SORCS2: variants seen among roughly 807,000 people sequenced by gnomAD.
SORCS2 encodes the protein sortilin related VPS10 domain containing receptor 2, also known as VPS10 domain-containing receptor SorCS2.
In SORCS2, 100 loss-of-function variants were observed where a neutral mutation model predicts 141.6. The ratio of observed to expected loss-of-function variants is 0.71; its 90% CI spans 0.60 to 0.83. SORCS2 has a LOEUF of 0.83. Ranked by LOEUF, SORCS2 falls within the 40% of genes least tolerant of loss-of-function variation. SORCS2 has a pLI of 0.00. For missense variants in SORCS2, 1,646 were observed against 1,560.2 expected, an observed-to-expected ratio of 1.05 and a Z score of -0.93; for synonymous variants, 789 against 676.9, an observed-to-expected ratio of 1.17 and a Z score of -2.57.
intron 1 of SORCS2, among the ~76,000 whole-genome samples, chr4:7,219,549 T>TGGTGGAAGGG (rs1728570240): frequency 6.6e-6 from 1 of 152,112 alleles, no homozygotes; most frequent in Non-Finnish European, 1.5e-5. Context: ...CTTACGATCA[T>TGGTGGAAGGG]GGTGGAAGGG....
In SORCS2 at chr4:7,399,981, A is replaced by C. The variant is rs114485964; in HGVS notation, c.548+3626A>C. ...CCACCGGTCTAGGGTCTGGAGGGCA[A>C]CCCAAGACTTTGCATTTCTAACAAG... is the stretch of plus-strand genomic sequence containing the variant. On this transcript the variant is annotated intron_variant, in intron 2 of 26. Coordinates refer to ENST00000507866, the MANE Select transcript of SORCS2 (RefSeq NM_020777.3). 4.3e-3 allele frequency among the ~76,000 whole-genome samples: 654 copies of C among 152,198 alleles called. 3 individuals are homozygous for C. The highest frequency in any genetic ancestry group is 0.015 in the African/African-American group (635 of 41,526).
intron 1 of SORCS2, among the ~76,000 whole-genome samples, chr4:7,306,633 G>A (rs566495538): frequency 2.2e-4 from 34 of 152,306 alleles, no homozygotes; most frequent in Admixed American, 1.6e-3. Context: ...CCTGGGAATC[G>A]CCTTCAGTTC....
chr4:7,724,106 GTGGTGGTGA>G (rs1244243748), intron 19 of SORCS2, among the ~76,000 whole-genome samples: 1 of 149,784 alleles, frequency 6.7e-6, no homozygotes, highest in African/African-American at 2.5e-5. Context: ...ATTGATGATA[GTGGTGGTGA>G]TGGTGGTGGT....
chr4:7,245,631 C>T (rs1272034897), intron 1 of SORCS2, among the ~76,000 whole-genome samples: 4 of 152,178 alleles, frequency 2.6e-5, no homozygotes, highest in Admixed American at 6.5e-5. Flanking sequence ...TGCACAGACG[C>T]GAGAGTGTCA....
At chr4:7,399,755 G>A (rs868535090) in intron 2 of SORCS2, among the ~76,000 whole-genome samples, 4 of 152,138 alleles carry the variant, frequency 2.6e-5, no homozygotes, top group Non-Finnish European at 5.9e-5. Context: ...TGTAGACTGC[G>A]GGGTCTCACC....
At chr4:7,479,148 A>G (rs7654574) in intron 2 of SORCS2, among the ~76,000 whole-genome samples, 33,673 of 151,152 alleles carry the variant, frequency 0.22, 4,246 homozygotes, top group African/African-American at 0.36. Flanking sequence ...GGGAGGAGCC[A>G]AACGCCAGCA....
intron 3 of SORCS2, among the ~76,000 whole-genome samples, chr4:7,574,330 G>GT: frequency 6.6e-6 from 1 of 152,344 alleles, no homozygotes; most frequent in Non-Finnish European, 1.5e-5. Context: ...GTGAAGAGAG[G>GT]TACTCCCTGA....
chr4:7,524,587 T>G (rs80000160), intron 2 of SORCS2, among the ~76,000 whole-genome samples: 3,251 of 150,632 alleles, frequency 0.022, 121 homozygotes, highest in African/African-American at 0.075. Context: ...TGGGTTTTGT[T>G]TTTTTTTTTT....
chr4:7,655,634 G>A (rs1055786415), intron 5 of SORCS2, among the ~76,000 whole-genome samples: 13 of 152,360 alleles, frequency 8.5e-5, no homozygotes, highest in Non-Finnish European at 1.8e-4. Flanking sequence ...TCTGTCTGCG[G>A]ATTGCCCACG....
At chr4:7,529,157 C>A (rs923042915) in intron 2 of SORCS2, among the ~76,000 whole-genome samples, 12 of 152,188 alleles carry the variant, frequency 7.9e-5, no homozygotes, top group African/African-American at 2.7e-4. Flanking sequence ...TCAAGCCCGT[C>A]CAAATGCCTT....
intron 1 of SORCS2, among the ~76,000 whole-genome samples, chr4:7,372,379 T>C (rs1722314825): frequency 6.6e-6 from 1 of 152,192 alleles, no homozygotes. Context: ...GGATCTCAGC[T>C]CACTGCAACC....
At chr4:7,424,453 G>C (rs1726289069) in intron 2 of SORCS2, among the ~76,000 whole-genome samples, 1 of 152,206 alleles carries the variant, frequency 6.6e-6, no homozygotes, top group Non-Finnish European at 1.5e-5. Flanking sequence ...TGAACGCTGT[G>C]CCCAGCCCCT....
At chr4:7,332,698 G>A (rs1719729437) in intron 1 of SORCS2, among the ~76,000 whole-genome samples, 1 of 152,246 alleles carries the variant, frequency 6.6e-6, no homozygotes, top group Non-Finnish European at 1.5e-5. Context: ...TGCAGGGCTG[G>A]AGCCTCCAAA....
intron 1 of SORCS2, among the ~76,000 whole-genome samples, chr4:7,348,921 G>A (rs1428655937): frequency 6.6e-6 from 1 of 152,124 alleles, no homozygotes; most frequent in African/African-American, 2.4e-5. Context: ...TCATGTGAGC[G>A]GCCTCACTTT....
At chr4:7,399,705 C>G (rs938461343) in intron 2 of SORCS2, among the ~76,000 whole-genome samples, 1 of 152,154 alleles carries the variant, frequency 6.6e-6, no homozygotes, top group African/African-American at 2.4e-5. Context: ...CTTGCCCTCA[C>G]AAGCCACAGA....
intron 1 of SORCS2, among the ~76,000 whole-genome samples, chr4:7,304,087 A>G (rs965287143): frequency 1.3e-4 from 20 of 152,238 alleles, no homozygotes; most frequent in Admixed American, 1.2e-3. Flanking sequence ...TTATTTAACC[A>G]ATACTTGTTG....
At chr4:7,511,941 G>T (rs776725864) in intron 2 of SORCS2, among the ~76,000 whole-genome samples, 1 of 152,206 alleles carries the variant, frequency 6.6e-6, no homozygotes, top group African/African-American at 2.4e-5. Context: ...TCCCTTTGCA[G>T]GTCCTGGAGG....
At chr4:7,585,247 T>C (rs948506090) in intron 3 of SORCS2, among the ~76,000 whole-genome samples, 2 of 152,200 alleles carry the variant, frequency 1.3e-5, no homozygotes, top group African/African-American at 4.8e-5. Context: ...GCCTGAGCTA[T>C]CACAGGAAGA....
intron 2 of SORCS2, among the ~76,000 whole-genome samples, chr4:7,513,167 C>T (rs894109807): frequency 1.8e-4 from 28 of 152,268 alleles, no homozygotes; most frequent in African/African-American, 5.3e-4. Context: ...CCTCAGTTTT[C>T]GAATCTCTAG....
Sources: allele counts gnomAD v4.1 joint callset (sites outside exome capture counted in the v4.1 genomes callset), GRCh38; gene constraint gnomAD v4.1.1; transcripts MANE v1.5; gene names NCBI Gene and HGNC (gene_info 2026-07-23, HGNC 2026-07-21).